RBMS3: variants seen among roughly 807,000 people sequenced by gnomAD.
The protein encoded by RBMS3 is RNA binding motif single stranded interacting protein 3, also known as RNA-binding motif, single-stranded-interacting protein 3.
RBMS3 carries 27 observed loss-of-function variants against 66.8 expected under a neutral mutation model. That is an observed-to-expected ratio of 0.40 (90% CI 0.30 to 0.56). The LOEUF (loss-of-function observed/expected upper bound fraction) is 0.56. RBMS3 is among the 20% of genes least tolerant of loss of function. RBMS3 has a pLI of 0.40. For missense variants in RBMS3, 513 were observed against 549.5 expected (o/e 0.93, Z 0.66); for synonymous variants, 188 against 183.0 (o/e 1.03, Z -0.22).
chr3:29,635,975 C>T (rs2049458034), intron 4 of RBMS3, among the ~76,000 whole-genome samples: 1 of 151,594 alleles, frequency 6.6e-6, no homozygotes, highest in Non-Finnish European at 1.5e-5. Flanking sequence ...CATAAGGCCA[C>T]TGTAGCTGCA....
intron 2 of RBMS3, among the ~76,000 whole-genome samples, chr3:29,475,517 T>C (rs186055990): frequency 2.0e-5 from 3 of 152,300 alleles, no homozygotes; most frequent in Admixed American, 2.0e-4. Flanking sequence ...CCCAAAGTGC[T>C]GGGATTACAG....
At chr3:29,631,503 ATATAAG>A (rs147696302) in intron 4 of RBMS3, among the ~76,000 whole-genome samples, 3,028 of 151,940 alleles carry the variant, frequency 0.02, 39 homozygotes, top group Middle Eastern at 0.034. Context: ...CTTCATATAA[ATATAAG>A]TATAATTATT....
Position 29,517,423 on chromosome 3 carries a change from C to T in RBMS3, c.307+28924C>T, listed in dbSNP as rs56919842. 1.8e-3 allele frequency among the ~76,000 whole-genome samples: 271 copies of T among 151,658 alleles called. 2 individuals carry two copies. The highest frequency in any genetic ancestry group is 6.1e-3 in the African/African-American group (254 of 41,352). On this transcript the variant is annotated intron_variant, in intron 3 of 14. Transcript: ENST00000383767. ...CTGCAAGCTCCACCTCCCAGGTTTA[C>T]GCCATTCTCCTGCCTTAGCCTTCCT...
intron 5 of RBMS3, among the ~76,000 whole-genome samples, chr3:29,757,681 C>G (rs1426077123): frequency 6.6e-6 from 1 of 152,154 alleles, no homozygotes; most frequent in Non-Finnish European, 1.5e-5. Context: ...TTAAAAGCTT[C>G]TTATTTTGCA....
At chr3:29,902,666 C>G (rs2060284261) in intron 10 of RBMS3, among the ~76,000 whole-genome samples, 1 of 151,760 alleles carries the variant, frequency 6.6e-6, no homozygotes, top group Non-Finnish European at 1.5e-5. Context: ...TTCCAATTTG[C>G]TTGCAACTTT....
chr3:29,510,539 C>T (rs1339463576), intron 3 of RBMS3, among the ~76,000 whole-genome samples: 1 of 151,992 alleles, frequency 6.6e-6, no homozygotes, highest in Admixed American at 6.6e-5. Context: ...TTCTGAAATG[C>T]TTGAGACCAG....
At position 29,592,566 on chromosome 3, in the gene RBMS3, T is replaced by G. The variant is rs575177910; in HGVS notation, c.399+5361T>G. ...CTCTTTTACACTGTTGGTGAGACTG[T>G]AAACTAGTTCAACCATTGTGGCAGA... On this transcript the variant is annotated intron_variant, in intron 4 of 14. Coordinates refer to ENST00000383767, the MANE Select transcript of RBMS3 (RefSeq NM_001003793.3). Among the ~76,000 whole-genome samples, 4 of 152,298 alleles carry G rather than the reference T, an allele frequency of 2.6e-5. No individual in the cohort carries two copies. In the East Asian group the frequency reaches 7.7e-4, roughly 29 times the overall value.
chr3:29,655,588 C>T lies in RBMS3; in HGVS notation c.399+68383C>T, dbSNP rs149892707. ...TGCTGGTATAAACAAATCTATTGTGCTGCCAGTCATATGAAAGTATAGCAC... is the reference window on the plus strand; with the variant it reads ...TGCTGGTATAAACAAATCTATTGTGTTGCCAGTCATATGAAAGTATAGCAC... On this transcript the variant is annotated intron_variant, in intron 4 of 14. Coordinates refer to ENST00000383767, the MANE Select transcript of RBMS3 (RefSeq NM_001003793.3). Among the ~76,000 whole-genome samples the T allele has an allele frequency of 7.6e-3, 1,163 of 152,258 alleles. 19 individuals carry two copies. Among genetic ancestry groups the T allele is most frequent in the African/African-American group, 0.026 (1,078 of 41,530 alleles).
At chr3:29,834,311 G>A (rs1302347650) in intron 6 of RBMS3, among the ~76,000 whole-genome samples, 1 of 151,984 alleles carries the variant, frequency 6.6e-6, no homozygotes, top group Non-Finnish European at 1.5e-5. Flanking sequence ...CTCTAATATT[G>A]TAATGGTAGT....
At chr3:29,872,593 A>G (rs2059518435) in intron 7 of RBMS3, among the ~76,000 whole-genome samples, 1 of 152,176 alleles carries the variant, frequency 6.6e-6, no homozygotes, top group African/African-American at 2.4e-5. Flanking sequence ...TCACTTCCAT[A>G]TACTAGAAGG....
intron 3 of RBMS3, among the ~76,000 whole-genome samples, chr3:29,521,830 G>T (rs1039180546): frequency 2.1e-4 from 32 of 152,170 alleles, no homozygotes; most frequent in Admixed American, 7.2e-4. Context: ...TTTGAATCCA[G>T]AAAGCCTAAC....
chr3:29,343,156 G>A (rs1330617500), intron 1 of RBMS3, among the ~76,000 whole-genome samples: 1 of 151,992 alleles, frequency 6.6e-6, no homozygotes, highest in Non-Finnish European at 1.5e-5. Context: ...ACAACCTAAG[G>A]AAGAGCTTCC....
chr3:29,597,675 A>T (rs999372514), intron 4 of RBMS3, among the ~76,000 whole-genome samples: 2 of 152,306 alleles, frequency 1.3e-5, no homozygotes, highest in South Asian at 4.1e-4. Context: ...TTAAGAGAAT[A>T]TTCAACTTTA....
In RBMS3 at chr3:29,926,337, G is replaced by C. The variant is rs1577166247; in HGVS notation, c.940-9749G>C. On this transcript the variant is annotated intron_variant, in intron 10 of 14. Coordinates refer to ENST00000383767, the MANE Select transcript of RBMS3 (RefSeq NM_001003793.3). ...AAATTCCTAAAAATATCTTAAAGGA[G>C]AAAAATATTCTCTGAGGGACCACAA... 2.0e-5 allele frequency among the ~76,000 whole-genome samples: 3 copies of C among 152,248 alleles called. No homozygotes were observed. In the East Asian group the frequency reaches 5.8e-4, roughly 29 times the overall value.
chr3:29,827,929 A>C (rs889884278), intron 6 of RBMS3, among the ~76,000 whole-genome samples: 3 of 152,202 alleles, frequency 2.0e-5, no homozygotes. Context: ...GTAACCTCAT[A>C]GCATCCAGAC....
At chr3:29,525,815 G>A (rs1261036110) in intron 3 of RBMS3, among the ~76,000 whole-genome samples, 1 of 152,110 alleles carries the variant, frequency 6.6e-6, no homozygotes, top group African/African-American at 2.4e-5. Flanking sequence ...TGTCTACACT[G>A]GGTATGAATC....
chr3:29,492,903 G>A (rs545304422), intron 3 of RBMS3, among the ~76,000 whole-genome samples: 1 of 152,200 alleles, frequency 6.6e-6, no homozygotes, highest in South Asian at 2.1e-4. Context: ...TCTGAAACTG[G>A]TTCATCCATT....
intron 1 of RBMS3, among the ~76,000 whole-genome samples, chr3:29,369,400 A>G (rs1014438898): frequency 6.6e-6 from 1 of 151,588 alleles, no homozygotes; most frequent in African/African-American, 2.4e-5. Context: ...CAAAAACCGC[A>G]TTTACTTTTG....
chr3:29,688,011 C>T (rs143406218), intron 4 of RBMS3, among the ~76,000 whole-genome samples: 28 of 152,218 alleles, frequency 1.8e-4, no homozygotes, highest in African/African-American at 5.8e-4. Flanking sequence ...GGAAGCTGCA[C>T]GAATAATTAC....
Sources: allele counts gnomAD v4.1 joint callset (sites outside exome capture counted in the v4.1 genomes callset), GRCh38; gene constraint gnomAD v4.1.1; transcripts MANE v1.5; gene names NCBI Gene and HGNC (gene_info 2026-07-23, HGNC 2026-07-21).